Variants in SRSF11 observed in about 807,000 individuals in gnomAD.
The protein encoded by SRSF11 is serine and arginine rich splicing factor 11, also known as serine/arginine-rich splicing factor 11.
In SRSF11, 9 loss-of-function variants were observed where a neutral mutation model predicts 56.0. That is an observed-to-expected ratio of 0.16 (90% CI 0.10 to 0.28). The LOEUF (loss-of-function observed/expected upper bound fraction) is 0.28. SRSF11 is among the 10% of genes least tolerant of loss of function. The probability of loss-of-function intolerance (pLI) is 1.00; values close to 1 mark genes in which losing one functional copy is unlikely to be tolerated. For missense variants in SRSF11, 421 were observed against 600.7 expected (o/e 0.70, Z 3.13); for synonymous variants, 222 against 215.3 (o/e 1.03, Z -0.27).
rs1302538415 is a variant in SRSF11 at position 70,253,018 on chromosome 1, T to G, written c.*2213T>G. 1 of 152,246 alleles carries G rather than the reference T, an allele frequency of 6.6e-6. No individual in the cohort carries two copies. Among genetic ancestry groups the G allele is most frequent in the Non-Finnish European group, 1.5e-5 (1 of 68,040 alleles). The allele number at this position is 152,246 out of a possible 1,614,324, so 9.4% of individuals were successfully genotyped here. ...TTCTGTTGTGTATTTGATAGTAAATTGATTTAAAAATAAAAGTGGTTTTTG... is the reference window on the plus strand; with the variant it reads ...TTCTGTTGTGTATTTGATAGTAAATGGATTTAAAAATAAAAGTGGTTTTTG... On this transcript the variant is annotated 3_prime_UTR_variant, in exon 12 of 12. Coordinates refer to ENST00000370949, the MANE Select transcript of SRSF11 (RefSeq NM_001350605.2).
At chr1:70,207,570 TAAG>T (rs1053796153) in intron 1 of SRSF11, among the ~76,000 whole-genome samples, 2 of 152,134 alleles carry the variant, frequency 1.3e-5, no homozygotes, top group African/African-American at 2.4e-5. Context: ...CAGTTGTTTT[TAAG>T]AAGATTTCTT....
exon 1 of SRSF11, chr1:70,205,739 G>T (rs1668943645): frequency 4.1e-6 from 2 of 492,514 alleles, no homozygotes; most frequent in South Asian, 8.8e-5. Flanking sequence ...AGCCTTTTCC[G>T]TTGCCGGTGC....
chr1:70,213,604 C>T (rs1669757904), intron 1 of SRSF11, among the ~76,000 whole-genome samples: 1 of 152,056 alleles, frequency 6.6e-6, no homozygotes, highest in Non-Finnish European at 1.5e-5. Flanking sequence ...CCCTGCTCTA[C>T]TATTACCTGC....
At chr1:70,235,710 G>C (rs1438465482) in intron 5 of SRSF11, among the ~76,000 whole-genome samples, 160 bp downstream of exon 5, 2 of 152,288 alleles carry the variant, frequency 1.3e-5, no homozygotes, top group South Asian at 4.1e-4. Context: ...ACAGAAGTAA[G>C]TAAGGTCCTC....
At chr1:70,210,756 T>C (rs1257790471) in intron 1 of SRSF11, among the ~76,000 whole-genome samples, 1 of 152,206 alleles carries the variant, frequency 6.6e-6, no homozygotes, top group African/African-American at 2.4e-5. Context: ...CTCTCCACTT[T>C]CAACACAAAA....
chr1:70,244,836 G>A, intron 8 of SRSF11, 21 bp downstream of exon 8: 1 of 1,613,090 alleles, frequency 6.2e-7, no homozygotes, highest in Non-Finnish European at 8.5e-7. Context: ...GGGTGAGAAA[G>A]CAAATTTTAG....
At chr1:70,245,883 T>C (rs576564352) in intron 8 of SRSF11, among the ~76,000 whole-genome samples, 75 of 152,280 alleles carry the variant, frequency 4.9e-4, no homozygotes, top group Non-Finnish European at 8.2e-4. Context: ...TTTAAAAGAT[T>C]TCTGACAGAG....
intron 7 of SRSF11, among the ~76,000 whole-genome samples, chr1:70,241,335 T>C (rs1260480089): frequency 1.3e-5 from 2 of 152,162 alleles, no homozygotes; most frequent in Non-Finnish European, 2.9e-5. Flanking sequence ...ATCTTTTCAC[T>C]CTGTTTTTAT....
Position 70,246,810 on chromosome 1 carries a change from T to C in SRSF11, c.933-8T>C. On this transcript the variant is annotated splice_polypyrimidine_tract_variant and splice_region_variant and intron_variant, in intron 8 of 11. Transcript: ENST00000370949. ...CTAATGCATTCATAAATTGTGTTCA[T>C]TTGTTAGAGACAAAAAGAAAGAAGA... 6.3e-7 allele frequency: 1 copy of C among 1,596,446 alleles called. No individual in the cohort carries two copies. Among genetic ancestry groups the C allele is most frequent in the Non-Finnish European group, 8.5e-7 (1 of 1,170,410 alleles).
upstream of SRSF11, chr1:70,220,950 A>T (rs1670490784): frequency 6.6e-6 from 1 of 152,226 alleles, no homozygotes; most frequent in Non-Finnish European, 1.5e-5. Flanking sequence ...AAAACAAATT[A>T]GTTACAGATT....
chr1:70,229,857 A>G (rs945025417), intron 2 of SRSF11: 1 of 984,470 alleles, frequency 1.0e-6, no homozygotes, highest in South Asian at 4.7e-5. Flanking sequence ...CCATGATATT[A>G]AAGTGTATGA....
At chr1:70,231,546 A>G in intron 2 of SRSF11, 1 of 1,079,190 alleles carries the variant, frequency 9.3e-7, no homozygotes, top group Non-Finnish European at 1.1e-6. Flanking sequence ...ATGGCGAAAC[A>G]TAAAGCATTT....
rs774210424 is a variant in SRSF11, at chr1:70,244,804, A to G, written c.921A>G (p.Thr307=). ...AAAGAGGTAGAAGGTCAAGGAGCAC[A>G]TCAAAAACAAGGTATAGCATTGGGT... The part of the protein sequence containing the change: ...SRERGRRSRS[T]SKTRDKKKED... The change falls in exon 8 of 12, where the codon ACA becomes ACG. Residue 307 remains threonine (T), a synonymous_variant. Transcript: ENST00000370949. 6.2e-7 allele frequency: 1 copy of G among 1,614,172 alleles called. No homozygotes were observed. The highest frequency in any genetic ancestry group is 1.1e-5 in the South Asian group (1 of 91,082).
rs891435898 is a variant in SRSF11, at chr1:70,252,786, G to A, written c.*1981G>A. On this transcript the variant is annotated 3_prime_UTR_variant, in exon 12 of 12. Transcript: ENST00000370949. The stretch of plus-strand genomic sequence containing the variant: ...ATATTCACAGTGTGTTCCCTCACTT[G>A]TAATCTCTGAATACAAATATACTAG... 6.6e-6 allele frequency: 1 copy of A among 152,178 alleles called. No individual in the cohort carries two copies. Among genetic ancestry groups the A allele is most frequent in the African/African-American group, 2.4e-5 (1 of 41,456 alleles). 9.4% of individuals were successfully genotyped at this position (152,178 alleles called of 1,614,324 possible).
At chr1:70,249,926 C>T (rs776367126) in intron 9 of SRSF11, 26 bp from the exon 10 acceptor site, 3 of 1,609,632 alleles carry the variant, frequency 1.9e-6, no homozygotes, top group African/African-American at 1.3e-5. Flanking sequence ...TATTTTAAAA[C>T]CTAGTTTGCA....
intron 1 of SRSF11, among the ~76,000 whole-genome samples, chr1:70,225,398 A>C (rs1284012410): frequency 1.3e-5 from 2 of 152,184 alleles, no homozygotes; most frequent in Non-Finnish European, 2.9e-5. Flanking sequence ...AAGGGGGCAC[A>C]TGAGGTCAGC....
intron 8 of SRSF11, 135 bp downstream of exon 8, chr1:70,244,950 G>A (rs1402551816): frequency 1.3e-5 from 10 of 781,700 alleles, no homozygotes; most frequent in Non-Finnish European, 1.9e-6. Flanking sequence ...GTCAATATTT[G>A]AGTTTGAGGA....
At chr1:70,236,334 T>C (rs1256049888) in intron 5 of SRSF11, among the ~76,000 whole-genome samples, 1 of 143,560 alleles carries the variant, frequency 7.0e-6, no homozygotes, top group Non-Finnish European at 1.5e-5. Flanking sequence ...TTCTTTTTCT[T>C]TTTTTTTTTT....
At position 70,232,479 on chromosome 1, in the gene SRSF11, A is replaced by T; in HGVS notation, c.447+102A>T. On this transcript the variant is annotated intron_variant, in intron 3 of 11. Coordinates refer to ENST00000370949, the MANE Select transcript of SRSF11 (RefSeq NM_001350605.2). ...GTAAGTACTCATAAGATTCTAGTTC[A>T]GATAGCATTATCACATGTCTATATC... 4.9e-6 allele frequency: 4 copies of T among 822,654 alleles called. No homozygotes were observed. In the South Asian group the frequency reaches 7.0e-5, roughly 14 times the overall value. The allele number at this position is 822,654 out of a possible 1,614,324, so 51.0% of individuals were successfully genotyped here.
Sources: gnomAD v4.1 joint callset for allele counts (sites outside exome capture counted in the v4.1 genomes callset) on GRCh38, gnomAD v4.1.1 for gene constraint, MANE v1.5 for transcripts, NCBI Gene and HGNC (gene_info 2026-07-23, HGNC 2026-07-21) for gene names.